The following CAMTA1 variants were observed in gnomAD, a reference collection of about 807,000 sequenced individuals.
CAMTA1 encodes the protein calmodulin binding transcription activator 1.
A neutral mutation model predicts 170.9 loss-of-function variants in CAMTA1; 27 were observed. The ratio of observed to expected loss-of-function variants is 0.16; its 90% CI spans 0.12 to 0.22. CAMTA1 has a LOEUF of 0.22. Ranked by LOEUF, CAMTA1 falls within the 10% of genes least tolerant of loss-of-function variation. The pLI is 1.00. For synonymous variants in CAMTA1, 833 were observed against 891.5 expected, an observed-to-expected ratio of 0.93 and a Z score of 1.17; for missense variants, 1,619 against 2,217.2, an observed-to-expected ratio of 0.73 and a Z score of 5.42.
At chr1:7,354,209 C>T (rs1328494685) in intron 5 of CAMTA1, among the ~76,000 whole-genome samples, 1 of 149,958 alleles carries the variant, frequency 6.7e-6, no homozygotes, top group African/African-American at 2.5e-5. Context: ...AGTGCAGTGG[C>T]ACGATCTTGG....
In CAMTA1 at chr1:7,077,046, A is replaced by G. The variant is rs72857554; in HGVS notation, c.235-14258A>G. ...ATTGAAATCCAAACACCTTTCATCT[A>G]TTAATGGCCACCAGTGGCCTATAAT... On this transcript the variant is annotated intron_variant, in intron 3 of 22. Transcript: ENST00000303635. 5.7e-3 allele frequency among the ~76,000 whole-genome samples: 866 copies of G among 152,338 alleles called. 4 individuals carry two copies. The highest frequency in any genetic ancestry group is 0.019 in the African/African-American group (807 of 41,578).
chr1:7,140,509 G>A (rs1298221680), intron 4 of CAMTA1, among the ~76,000 whole-genome samples: 1 of 152,154 alleles, frequency 6.6e-6, no homozygotes, highest in Non-Finnish European at 1.5e-5. Context: ...CAGTGAGAAG[G>A]CAATGAGAAG....
intron 3 of CAMTA1, among the ~76,000 whole-genome samples, chr1:6,941,550 A>G (rs11120791): frequency 0.98 from 149,892 of 152,280 alleles, 73,806 homozygotes; most frequent in Middle Eastern, 1. Context: ...CAGAAAACAC[A>G]TCAGGGAGGG....
In CAMTA1 at chr1:7,276,303, A is replaced by ATTTTTTTTTTTTTT. The variant is rs1180773965; in HGVS notation, c.438+26682_438+26695dup. On this transcript the variant is annotated intron_variant, in intron 5 of 22. Coordinates refer to ENST00000303635, the MANE Select transcript of CAMTA1 (RefSeq NM_015215.4). ...CATATATATATATATATATATATAT[A>ATTTTTTTTTTTTTT]TTTTTTTTTTTTTTTTTTCTTTTTG... Among the ~76,000 whole-genome samples the ATTTTTTTTTTTTTT allele has an allele frequency of 1.5e-3, 36 of 24,200 alleles. 1 individual carries two copies. Among genetic ancestry groups the ATTTTTTTTTTTTTT allele is most frequent in the Admixed American group, 0.012 (19 of 1,524 alleles). 15.9% of individuals were successfully genotyped at this position (24,200 alleles called of 152,430 possible). A position where few individuals can be genotyped will look rare whatever the true frequency, so the allele number is the denominator to read the frequency against.
chr1:6,870,071 T>C (rs1667946086), intron 3 of CAMTA1, among the ~76,000 whole-genome samples: 1 of 152,182 alleles, frequency 6.6e-6, no homozygotes, highest in Non-Finnish European at 1.5e-5. Flanking sequence ...CCGGTTTACT[T>C]TTTCCCCTTT....
intron 5 of CAMTA1, among the ~76,000 whole-genome samples, chr1:7,335,124 T>TTTTGTGTGTGTGTGTGTGTGTGTGTGTG (rs1557537117): frequency 3.1e-4 from 6 of 19,190 alleles, no homozygotes; most frequent in Non-Finnish European, 4.0e-4. Flanking sequence ...AGCACAGCTT[T>TTTTGTGTGTGTGTGTGTGTGTGTGTGTG]TGTGTGTGTG....
At chr1:7,626,138 A>T (rs1384459939) in intron 6 of CAMTA1, among the ~76,000 whole-genome samples, 1 of 152,334 alleles carries the variant, frequency 6.6e-6, no homozygotes, top group South Asian at 2.1e-4. Context: ...TGGGGAACAC[A>T]TTAAAAAAAC....
intron 4 of CAMTA1, among the ~76,000 whole-genome samples, chr1:7,209,853 GA>G (rs1414538078): frequency 6.6e-6 from 1 of 152,144 alleles, no homozygotes; most frequent in Non-Finnish European, 1.5e-5. Flanking sequence ...CAAGATTTCA[GA>G]AAAGTTGTAG....
At position 7,712,521 on chromosome 1, in the gene CAMTA1, T is replaced by C. The variant is rs1483809571; in HGVS notation, c.2915-19927T>C. 3.3e-5 allele frequency among the ~76,000 whole-genome samples: 5 copies of C among 152,076 alleles called. No homozygotes were observed. The South Asian group carries it at 8.3e-4, about 25-fold the overall frequency. On this transcript the variant is annotated intron_variant, in intron 11 of 22. Coordinates refer to ENST00000303635, the MANE Select transcript of CAMTA1 (RefSeq NM_015215.4). ...TTTTTTGTAGAGACAGGGTTTCATA[T>C]GTTGCCCAGGCTGGTCTTGAACTCC...
At chr1:7,462,751 C>G (rs935969064) in intron 5 of CAMTA1, among the ~76,000 whole-genome samples, 1 of 152,202 alleles carries the variant, frequency 6.6e-6, no homozygotes, top group Non-Finnish European at 1.5e-5. Flanking sequence ...TGGCAGGGAC[C>G]TAGTAACCCC....
rs554879216 is a variant in CAMTA1 at position 7,633,885 on chromosome 1, A to G, written c.511-6515A>G. Among the ~76,000 whole-genome samples, 4 of 152,364 alleles carry G rather than the reference A, an allele frequency of 2.6e-5. No homozygotes were observed. The South Asian group carries it at 8.3e-4, about 32-fold the overall frequency. Reference sequence around the variant, plus strand: ...GCACTGTTGTCAACGGGGTTGCTGAATGAGGTTTCCACAAGAAAGTGACCT... The same window carrying G: ...GCACTGTTGTCAACGGGGTTGCTGAGTGAGGTTTCCACAAGAAAGTGACCT... On this transcript the variant is annotated intron_variant, in intron 6 of 22. Transcript: ENST00000303635. The surrounding 1 kb of genome is among the most constrained non-coding windows in gnomAD (Gnocchi z 4.1).
At chr1:6,893,807 TACTG>T (rs1172754592) in intron 3 of CAMTA1, among the ~76,000 whole-genome samples, 1 of 152,222 alleles carries the variant, frequency 6.6e-6, no homozygotes, top group Non-Finnish European at 1.5e-5. Context: ...ATTTGTATCT[TACTG>T]ACCCTGACTG....
intron 3 of CAMTA1, among the ~76,000 whole-genome samples, chr1:6,985,872 T>G (rs754068596): frequency 6.6e-6 from 1 of 152,234 alleles, no homozygotes; most frequent in Non-Finnish European, 1.5e-5. Context: ...AGAGAGGCCT[T>G]CTGCACTCAT....
At chr1:7,492,987 A>G (rs1388114271) in intron 6 of CAMTA1, among the ~76,000 whole-genome samples, 1 of 150,362 alleles carries the variant, frequency 6.7e-6, no homozygotes, top group African/African-American at 2.5e-5. Context: ...ACACAAACAT[A>G]CAAACGCGCA....
chr1:7,457,621 C>T (rs936229179), intron 5 of CAMTA1, among the ~76,000 whole-genome samples: 9 of 152,232 alleles, frequency 5.9e-5, no homozygotes, highest in African/African-American at 2.2e-4. Flanking sequence ...CCCATTTTGC[C>T]TTCCAGCTTG....
At chr1:7,350,122 G>T (rs763173) in intron 5 of CAMTA1, among the ~76,000 whole-genome samples, 36,378 of 151,940 alleles carry the variant, frequency 0.24, 4,961 homozygotes, top group East Asian at 0.56. Context: ...TCCCGAGAGG[G>T]GTGCTCACTC....
chr1:7,668,433 C>CACACACACACACA (rs36054481), intron 9 of CAMTA1, among the ~76,000 whole-genome samples: 1 of 114,810 alleles, frequency 8.7e-6, no homozygotes, highest in African/African-American at 3.5e-5. Flanking sequence ...ACACACACAC[C>CACACACACACACA]CACCACACAC....
At chr1:7,196,168 T>C (rs910201904) in intron 4 of CAMTA1, among the ~76,000 whole-genome samples, 1 of 152,024 alleles carries the variant, frequency 6.6e-6, no homozygotes, top group African/African-American at 2.4e-5. Flanking sequence ...GGAGAACTGA[T>C]GGTTTAAAAG....
At position 7,207,470 on chromosome 1, in the gene CAMTA1, A is replaced by T. The variant is rs184830907; in HGVS notation, c.303-42021A>T. ...CTTCTTGTTTTAAAAAGCTGAATTC[A>T]TTCTGATAAAAATGTATATACCACC... is the stretch of plus-strand genomic sequence containing the variant. On this transcript the variant is annotated intron_variant, in intron 4 of 22. Transcript: ENST00000303635. 2.3e-4 allele frequency among the ~76,000 whole-genome samples: 35 copies of T among 152,358 alleles called. No individual in the cohort carries two copies. The East Asian group carries it at 6.6e-3, about 29-fold the overall frequency.
Sources: gnomAD v4.1 joint callset for allele counts (sites outside exome capture counted in the v4.1 genomes callset) on GRCh38, gnomAD v4.1.1 for gene constraint, Gnocchi (gnomAD v3.1) non-coding constraint, MANE v1.5 for transcripts, NCBI Gene and HGNC (gene_info 2026-07-23, HGNC 2026-07-21) for gene names.